Variants in SPTAN1 observed in about 807,000 individuals in gnomAD.
SPTAN1 encodes spectrin alpha chain, non-erythrocytic 1.
A neutral mutation model predicts 331.3 loss-of-function variants in SPTAN1; 61 were observed. The ratio of observed to expected loss-of-function variants is 0.18; its 90% CI spans 0.15 to 0.23. SPTAN1 has a LOEUF of 0.23. Ranked by LOEUF, SPTAN1 falls within the 10% of genes least tolerant of loss-of-function variation. The pLI, the probability that SPTAN1 is intolerant of heterozygous loss-of-function variation, is 1.00. For missense variants in SPTAN1, 2,043 were observed against 3,147.9 expected, an observed-to-expected ratio of 0.65 and a Z score of 8.40; for synonymous variants, 1,153 against 1,173.9, an observed-to-expected ratio of 0.98 and a Z score of 0.36.
rs1855445574 is a variant in SPTAN1, at chr9:128,603,591, G to A, written c.3627+1G>A. On this transcript the variant is annotated splice_donor_variant, in intron 28 of 56. Transcript: ENST00000372739. LOFTEE classifies it high-confidence loss of function. ...CGTGGCCACCTTTAATTCCATCAAG[G>A]TAAGAAGCAGTGACCAGCTCCTCTG... 3 of 1,614,072 alleles carry A rather than the reference G, an allele frequency of 1.9e-6. No homozygotes were observed. The highest frequency in any genetic ancestry group is 2.5e-6 in the Non-Finnish European group (3 of 1,180,036).
chr9:128,615,063 G>A (rs1200833998), intron 40 of SPTAN1, among the ~76,000 whole-genome samples: 2 of 152,118 alleles, frequency 1.3e-5, no homozygotes, highest in Admixed American at 1.3e-4. Flanking sequence ...GGCTCCTGGT[G>A]GTGGGTGTAA....
chr9:128,627,983 G>C lies in SPTAN1; in HGVS notation c.6707+41G>C. On this transcript the variant is annotated intron_variant, in intron 51 of 56. Transcript: ENST00000372739. This position sits in a 1 kb window ranked among gnomAD's most constrained non-coding sequence, Gnocchi z 4.9. ...TTCCTTCTCTGGGCTTGTCATGTGG[G>C]GGTCTCGTGCGCTTGCCCCTCGTGG... 6.2e-7 allele frequency: 1 copy of C among 1,613,734 alleles called. No individual in the cohort carries two copies. The highest frequency in any genetic ancestry group is 8.5e-7 in the Non-Finnish European group (1 of 1,179,700).
chr9:128,591,762 GC>G, intron 22 of SPTAN1, 137 bp downstream of exon 22: 2 of 1,069,212 alleles, frequency 1.9e-6, no homozygotes, highest in Non-Finnish European at 2.7e-6. Context: ...CCCACTTTGA[GC>G]CCACAGACCT....
intron 5 of SPTAN1, 79 bp downstream of exon 5, chr9:128,575,424 A>G: frequency 1.3e-6 from 2 of 1,530,692 alleles, no homozygotes; most frequent in Non-Finnish European, 1.8e-6. Flanking sequence ...AATTTTGATG[A>G]TTGGTCCCCT....
intron 29 of SPTAN1, 61 bp downstream of exon 29, chr9:128,604,478 C>T: frequency 1.3e-6 from 2 of 1,519,132 alleles, no homozygotes; most frequent in Non-Finnish European, 1.8e-6. Context: ...TTCCTGACAG[C>T]CCCCAAGCTT....
intron 37 of SPTAN1, among the ~76,000 whole-genome samples, chr9:128,610,429 G>A (rs1414087878): frequency 2.0e-5 from 3 of 152,262 alleles, no homozygotes; most frequent in South Asian, 2.1e-4. Context: ...GGGATCAGGC[G>A]GTGGGAGAAC....
At chr9:128,560,085 T>A (rs1458322003) in intron 1 of SPTAN1, among the ~76,000 whole-genome samples, 2 of 520 alleles carry the variant, frequency 3.8e-3, no homozygotes, top group African/African-American at 4.6e-3. Flanking sequence ...CCACCTCACC[T>A]TTTTTTTTTT....
intron 19 of SPTAN1, among the ~76,000 whole-genome samples, chr9:128,586,726 A>G (rs1284378922): frequency 6.6e-6 from 1 of 152,134 alleles, no homozygotes; most frequent in African/African-American, 2.4e-5. Context: ...TTTGACTAAA[A>G]TTCTCAAATT....
At chr9:128,580,276 G>A (rs144040647) in intron 10 of SPTAN1, among the ~76,000 whole-genome samples, 2 of 149,456 alleles carry the variant, frequency 1.3e-5, no homozygotes, top group East Asian at 2.0e-4. Flanking sequence ...GTGAGACCCT[G>A]TCTCTAAAAA....
chr9:128,592,824 A>G (rs945274338), intron 22 of SPTAN1, among the ~76,000 whole-genome samples, 159 bp from the exon 23 acceptor site: 1 of 152,154 alleles, frequency 6.6e-6, no homozygotes, highest in African/African-American at 2.4e-5. Flanking sequence ...CTGTCATGTC[A>G]CTCATGACTT....
At chr9:128,599,257 C>T (rs1185383822) in intron 26 of SPTAN1, 2 of 452,426 alleles carry the variant, frequency 4.4e-6, no homozygotes, top group African/African-American at 2.0e-5. Flanking sequence ...ATCTCAGCTT[C>T]CTGAGTAGCT....
In SPTAN1 at chr9:128,577,622, A is replaced by C; in HGVS notation, c.1085+116A>C. The stretch of plus-strand genomic sequence containing the variant: ...GTGAAAGTGTCAGGTATCACCTACA[A>C]ATGCAAATCACTTCTTACCTATGTT... On this transcript the variant is annotated intron_variant, in intron 8 of 56. Transcript: ENST00000372739. This position sits in a 1 kb window ranked among gnomAD's most constrained non-coding sequence, Gnocchi z 4.2. 1 of 1,367,326 alleles carries C rather than the reference A, an allele frequency of 7.3e-7. No homozygotes were observed. Among genetic ancestry groups the C allele is most frequent in the East Asian group, 2.3e-5 (1 of 43,736 alleles). 84.7% of individuals were successfully genotyped at this position (1,367,326 alleles called of 1,614,324 possible).
intron 8 of SPTAN1, 74 bp from the exon 9 acceptor site, chr9:128,578,036 A>C: frequency 3.9e-6 from 6 of 1,528,274 alleles, no homozygotes; most frequent in Non-Finnish European, 5.4e-6. Flanking sequence ...CATAGAATTC[A>C]GAGCTTTAGG....
Position 128,577,234 on chromosome 9 carries a change from C to T in SPTAN1, c.891C>T (p.His297=), listed in dbSNP as rs774303070. 3.7e-5 allele frequency: 60 copies of T among 1,614,002 alleles called. No individual in the cohort carries two copies. Among genetic ancestry groups the T allele is most frequent in the Non-Finnish European group, 4.4e-5 (52 of 1,180,036 alleles). ...GTGTTCAGGCTCTGCTTCGGAAGCA[C>T]GAGGGTCTGGAGAGAGATCTTGCTG... is the stretch of plus-strand genomic sequence containing the variant. ...LASVQALLRK[H]EGLERDLAAL... is the part of the protein sequence containing the mutation. The change falls in exon 7 of 57, where the codon CAC becomes CAT. Residue 297 remains histidine, a synonymous_variant. Coordinates refer to ENST00000372739, the MANE Select transcript of SPTAN1 (RefSeq NM_001130438.3). This position sits in a 1 kb window ranked among gnomAD's most constrained non-coding sequence, Gnocchi z 4.2.
intron 5 of SPTAN1, 30 bp downstream of exon 5, chr9:128,575,375 C>G (rs1213222025): frequency 1.2e-6 from 2 of 1,605,664 alleles, no homozygotes; most frequent in Non-Finnish European, 1.7e-6. Flanking sequence ...ATGCTTCTCA[C>G]AACATTATTA....
At chr9:128,588,343 C>G (rs750705450) in intron 20 of SPTAN1, among the ~76,000 whole-genome samples, 1 of 96,474 alleles carries the variant, frequency 1.0e-5, no homozygotes, top group Non-Finnish European at 2.0e-5. Context: ...TGGAGTTTCA[C>G]TCTTGTTGCC....
chr9:128,569,659 A>G (rs1850429075), intron 3 of SPTAN1, among the ~76,000 whole-genome samples: 1 of 152,050 alleles, frequency 6.6e-6, no homozygotes, highest in African/African-American at 2.4e-5. Flanking sequence ...ATCCAAAGCC[A>G]CATTGCATTG....
rs534742497 is a variant in SPTAN1, at chr9:128,584,685, A to G, written c.2438-36A>G. The stretch of plus-strand genomic sequence containing the variant: ...CAAATCAGTGCTGACTTTTCTCTTC[A>G]TGGTTGGATAACTGGGGACTGGTGT... On this transcript the variant is annotated intron_variant, in intron 17 of 56. Coordinates refer to ENST00000372739, the MANE Select transcript of SPTAN1 (RefSeq NM_001130438.3). The G allele has an allele frequency of 1.9e-5, 31 of 1,614,194 alleles. No individual in the cohort carries two copies. In the East Asian group the frequency reaches 6.2e-4, roughly 32 times the overall value.
rs1848259494 is a variant in SPTAN1, at chr9:128,552,679, C to G, written c.-21C>G. The G allele has an allele frequency of 6.6e-6, 1 of 151,972 alleles. No individual in the cohort carries two copies. The allele number at this position is 151,972 out of a possible 1,614,324, so 9.4% of individuals were successfully genotyped here. A position where few individuals can be genotyped will look rare whatever the true frequency, so the allele number is the denominator to read the frequency against. On this transcript the variant is annotated 5_prime_UTR_variant, in exon 1 of 57. Coordinates refer to ENST00000372739, the MANE Select transcript of SPTAN1 (RefSeq NM_001130438.3). This position sits in a 1 kb window ranked among gnomAD's most constrained non-coding sequence, Gnocchi z 4.6. ...CCCTCGGCCCGACGCACCCACGCCCCTCACCCCCCGAGAGCCGGTGAGAGG... is the reference window on the plus strand; with the variant it reads ...CCCTCGGCCCGACGCACCCACGCCCGTCACCCCCCGAGAGCCGGTGAGAGG...
Sources: gnomAD v4.1 joint callset for allele counts (sites outside exome capture counted in the v4.1 genomes callset) on GRCh38, gnomAD v4.1.1 for gene constraint, Gnocchi (gnomAD v3.1) non-coding constraint, MANE v1.5 for transcripts, NCBI Gene and HGNC (gene_info 2026-07-23, HGNC 2026-07-21) for gene names.